The following SIMC1 variants were observed in gnomAD, a reference collection of about 807,000 sequenced individuals.
SIMC1 encodes the protein SUMO interacting motifs containing 1.
In SIMC1, 55 loss-of-function variants were observed where a neutral mutation model predicts 82.3. The ratio of observed to expected loss-of-function variants is 0.67; its 90% CI spans 0.54 to 0.84. SIMC1 has a LOEUF of 0.84. Among genes scored for constraint, SIMC1 ranks in the 40% least tolerant of loss-of-function variants. The probability of loss-of-function intolerance (pLI) is 0.00; values close to 1 mark genes in which losing one functional copy is unlikely to be tolerated. For missense variants in SIMC1, 915 were observed against 1,107.2 expected (o/e 0.83, Z 2.46); for synonymous variants, 353 against 426.3 (o/e 0.83, Z 2.12).
At chr5:176,291,060 G>T (rs1410568726) in intron 2 of SIMC1, 105 bp downstream of exon 2, 3 of 682,978 alleles carry the variant, frequency 4.4e-6, no homozygotes, top group Non-Finnish European at 4.8e-6. Context: ...AAGCATAAAT[G>T]AAATTTCTTA....
In SIMC1 at chr5:176,341,633, C is replaced by CT. The variant is rs544286042; in HGVS notation, c.2414-3548dup. ...CTTTGAAGATAACTTTGACAGGGCT[C>CT]TTAAGTGACTGAGTCTGAAGGGTGA... On this transcript the variant is annotated intron_variant, in intron 9 of 9. Coordinates refer to ENST00000429602, the MANE Select transcript of SIMC1 (RefSeq NM_001308195.2). 5.5e-4 allele frequency among the ~76,000 whole-genome samples: 83 copies of CT among 152,238 alleles called. No individual in the cohort carries two copies. In the South Asian group the frequency reaches 0.017, roughly 31 times the overall value.
rs191188834 is a variant in SIMC1, at chr5:176,324,144, G to C, written c.2043-485G>C. On this transcript the variant is annotated intron_variant, in intron 6 of 9. Coordinates refer to ENST00000429602, the MANE Select transcript of SIMC1 (RefSeq NM_001308195.2). ...TGGGAGAGAAGGTCAGGTTCCACCA[G>C]GGGAGGTTCTGAGACCGAACTTAGT... Among the ~76,000 whole-genome samples, 62 of 152,288 alleles carry C rather than the reference G, an allele frequency of 4.1e-4. 1 individual carries two copies. The highest frequency in any genetic ancestry group is 2.2e-3 in the Admixed American group (33 of 15,292).
chr5:176,324,151 T>A (rs553312744), intron 6 of SIMC1, among the ~76,000 whole-genome samples: 1 of 151,752 alleles, frequency 6.6e-6, no homozygotes, highest in African/African-American at 2.4e-5. Context: ...CCAGGGGAGG[T>A]TCTGAGACCG....
intron 2 of SIMC1, among the ~76,000 whole-genome samples, chr5:176,291,558 G>A (rs1181115253): frequency 6.6e-6 from 1 of 151,802 alleles, no homozygotes; most frequent in Non-Finnish European, 1.5e-5. Flanking sequence ...GAATGGCCTC[G>A]ATCTCCTGAC....
At chr5:176,324,832 T>C in intron 7 of SIMC1, 75 bp downstream of exon 7, 1 of 1,462,520 alleles carries the variant, frequency 6.8e-7, no homozygotes, top group East Asian at 2.5e-5. Context: ...TCATTTTTAT[T>C]AAATTAACTT....
Position 176,279,392 on chromosome 5 carries a change from C to A in SIMC1, c.130-10262C>A, listed in dbSNP as rs1034161655. ...TTTCTTTATTAGTCTTGCTAGCGGT[C>A]TATCAATTTTGTTGATCGTTTCAAA... On this transcript the variant is annotated intron_variant, in intron 1 of 9. Transcript: ENST00000429602. Among the ~76,000 whole-genome samples the A allele has an allele frequency of 1.1e-4, 17 of 152,070 alleles. 1 individual carries two copies. Among genetic ancestry groups the A allele is most frequent in the Non-Finnish European group, 2.9e-5 (2 of 68,016 alleles).
chr5:176,308,894 G>A (rs768648717), intron 4 of SIMC1: 9 of 1,323,804 alleles, frequency 6.8e-6, no homozygotes, highest in Non-Finnish European at 9.8e-6. Flanking sequence ...TCAGATGTCA[G>A]CAGTCAGCGG....
intron 6 of SIMC1, among the ~76,000 whole-genome samples, chr5:176,322,986 T>G (rs1765229149): frequency 6.6e-6 from 1 of 152,138 alleles, no homozygotes; most frequent in Non-Finnish European, 1.5e-5. Flanking sequence ...GCCGGGAGAT[T>G]AGGGGCTGGG....
At chr5:176,334,460 C>T (rs145353419) in intron 7 of SIMC1, among the ~76,000 whole-genome samples, 2 of 152,278 alleles carry the variant, frequency 1.3e-5, no homozygotes, top group East Asian at 3.9e-4. Context: ...GATCTCTCCA[C>T]ACTGACTCCT....
Position 176,308,573 on chromosome 5 carries a change from C to T in SIMC1, c.1735-5118C>T, listed in dbSNP as rs143247453. ...ACACAAGGGCTGGCCGGGTACTCTA[C>T]ACTTGCTTCCAATCCATACAGGCCC... On this transcript the variant is annotated intron_variant, in intron 4 of 9. Coordinates refer to ENST00000429602, the MANE Select transcript of SIMC1 (RefSeq NM_001308195.2). The T allele has an allele frequency of 1.3e-3, 1,992 of 1,589,348 alleles. 2 individuals are homozygous for T. Among genetic ancestry groups the T allele is most frequent in the African/African-American group, 0.012 (858 of 74,494 alleles).
At position 176,307,323 on chromosome 5, in the gene SIMC1, A is replaced by G. The variant is rs572040824; in HGVS notation, c.1735-6368A>G. On this transcript the variant is annotated intron_variant, in intron 4 of 9. Transcript: ENST00000429602. ...AAAAGTTCTGGGGCTCTTTTACAGG[A>G]CTGTGAATATACTTAACACTACTGA... Among the ~76,000 whole-genome samples, 69 of 152,318 alleles carry G rather than the reference A, an allele frequency of 4.5e-4. No homozygotes were observed. In the South Asian group the frequency reaches 7.3e-3, roughly 16 times the overall value.
chr5:176,274,016 AC>A (rs1364271801), intron 1 of SIMC1, among the ~76,000 whole-genome samples: 10 of 149,892 alleles, frequency 6.7e-5, no homozygotes, highest in Admixed American at 1.3e-4. Context: ...TTGGGTATAT[AC>A]CCAGTAATGG....
intron 9 of SIMC1, among the ~76,000 whole-genome samples, chr5:176,343,952 G>A (rs866645978): frequency 6.6e-6 from 1 of 151,756 alleles, no homozygotes; most frequent in Admixed American, 6.6e-5. Flanking sequence ...GCACCACCAT[G>A]CCCAGCTAAT....
rs574171290 is a variant in SIMC1 at position 176,252,427 on chromosome 5, G to T, written c.129+13790G>T. On this transcript the variant is annotated intron_variant, in intron 1 of 9. Transcript: ENST00000429602. ...AGGGTCTCCTCACTTCTCAGACAGGGCGGCCGGGCAGAGACGCTCCTCACC... is the reference window on the plus strand; with the variant it reads ...AGGGTCTCCTCACTTCTCAGACAGGTCGGCCGGGCAGAGACGCTCCTCACC... Among the ~76,000 whole-genome samples the T allele has an allele frequency of 3.6e-3, 544 of 150,898 alleles. 2 individuals are homozygous for T. The highest frequency in any genetic ancestry group is 0.013 in the African/African-American group (516 of 40,986).
chr5:176,343,099 T>C (rs1266106113), intron 9 of SIMC1, among the ~76,000 whole-genome samples: 1 of 152,254 alleles, frequency 6.6e-6, no homozygotes, highest in Non-Finnish European at 1.5e-5. Context: ...GATTACAGAC[T>C]TTAGTTTTGA....
chr5:176,254,709 A>G (rs1216004751), intron 1 of SIMC1, among the ~76,000 whole-genome samples: 1 of 151,132 alleles, frequency 6.6e-6, no homozygotes, highest in Non-Finnish European at 1.5e-5. Context: ...ATTCTCAAAT[A>G]TGATGCTCTA....
chr5:176,284,827 A>G (rs1213839006), intron 1 of SIMC1, among the ~76,000 whole-genome samples: 7 of 152,242 alleles, frequency 4.6e-5, no homozygotes, highest in Non-Finnish European at 8.8e-5. Context: ...AAACACCTCT[A>G]TGCAAATAAA....
intron 5 of SIMC1, among the ~76,000 whole-genome samples, chr5:176,316,466 A>C (rs1370424144): frequency 1.3e-5 from 2 of 149,816 alleles, no homozygotes; most frequent in Admixed American, 6.7e-5. Flanking sequence ...CAGGAGTTCG[A>C]CATGAGCCTA....
chr5:176,274,744 A>G lies in SIMC1; in HGVS notation c.130-14910A>G, dbSNP rs377598275. ...CATATGGCTAGCCAGTTTTCCCAGCACCATTTATTAACTAGGGAATCCTTT... is the reference window on the plus strand; with the variant it reads ...CATATGGCTAGCCAGTTTTCCCAGCGCCATTTATTAACTAGGGAATCCTTT... On this transcript the variant is annotated intron_variant, in intron 1 of 9. Transcript: ENST00000429602. 4.4e-4 allele frequency among the ~76,000 whole-genome samples: 67 copies of G among 151,844 alleles called. No homozygotes were observed. In the East Asian group the frequency reaches 0.012, roughly 28 times the overall value.
Sources: allele counts gnomAD v4.1 joint callset (sites outside exome capture counted in the v4.1 genomes callset), GRCh38; gene constraint gnomAD v4.1.1; transcripts MANE v1.5; gene names NCBI Gene and HGNC (gene_info 2026-07-23, HGNC 2026-07-21).